Variants in MARK1 observed in about 807,000 individuals in gnomAD.
MARK1 encodes serine/threonine-protein kinase MARK1.
A neutral mutation model predicts 96.3 loss-of-function variants in MARK1; 40 were observed. The observed-to-expected ratio is 0.42, with a 90% CI of 0.32 to 0.54. The LOEUF is 0.54. Among genes scored for constraint, MARK1 ranks in the 20% least tolerant of loss-of-function variants. MARK1 has a pLI of 0.16. For missense variants in MARK1, 719 were observed against 984.6 expected (o/e 0.73, Z 3.61); for synonymous variants, 317 against 341.2 (o/e 0.93, Z 0.78).
At chr1:220,649,794 TG>T (rs1188627023) in intron 13 of MARK1, among the ~76,000 whole-genome samples, 1 of 152,188 alleles carries the variant, frequency 6.6e-6, no homozygotes, top group Non-Finnish European at 1.5e-5. Context: ...ATATTTTAAA[TG>T]CTGGGTTAGT....
intron 3 of MARK1, among the ~76,000 whole-genome samples, chr1:220,587,159 G>A (rs1011354567): frequency 6.6e-6 from 1 of 151,928 alleles, no homozygotes; most frequent in Non-Finnish European, 1.5e-5. Flanking sequence ...TTAAAATACA[G>A]TATATTAGTT....
In MARK1 at chr1:220,635,924, T is replaced by A. The variant is rs779286342; in HGVS notation, c.1368T>A (p.Asp456Glu). Residue 456 changes from aspartate (D) to glutamate (E), a missense_variant, in exon 13 of 18, where the codon GAT becomes GAA. Asp to Glu is a conservative substitution (Grantham distance 45). Around this residue, in one of 4 missense-constraint regions of MARK1, gnomAD observed 501 missense variants for 588.3 expected, o/e 0.85. Transcript: ENST00000366917. ...ESEQKEEWDK[D>E]VARKLGSTTV... ...AACAGAAAGAGGAGTGGGACAAAGA[T>A]GTGGCTCGAAAACTTGGCAGCACAA... The A allele has an allele frequency of 3.7e-6, 6 of 1,614,098 alleles. No individual in the cohort carries two copies. Among genetic ancestry groups the A allele is most frequent in the Non-Finnish European group, 1.7e-6 (2 of 1,179,996 alleles).
At chr1:220,606,322 G>A (rs1024853067) in intron 6 of MARK1, among the ~76,000 whole-genome samples, 55 of 151,870 alleles carry the variant, frequency 3.6e-4, no homozygotes, top group Non-Finnish European at 3.4e-4. Context: ...TAGATGTCTT[G>A]TTTTGAGAAG....
chr1:220,540,996 C>G (rs1661105934), intron 1 of MARK1, among the ~76,000 whole-genome samples: 1 of 151,812 alleles, frequency 6.6e-6, no homozygotes, highest in South Asian at 2.1e-4. Flanking sequence ...AGCTGTGGTG[C>G]AATCTCAGCT....
At chr1:220,536,241 C>T (rs1660672119) in intron 1 of MARK1, among the ~76,000 whole-genome samples, 1 of 151,822 alleles carries the variant, frequency 6.6e-6, no homozygotes, top group African/African-American at 2.4e-5. Context: ...GATTTGGATA[C>T]CTTTTATTTA....
chr1:220,643,823 G>A (rs1668422350), intron 13 of MARK1, among the ~76,000 whole-genome samples: 1 of 152,156 alleles, frequency 6.6e-6, no homozygotes, highest in African/African-American at 2.4e-5. Flanking sequence ...GTCAAACTAA[G>A]CTTCAAAAAT....
At chr1:220,551,944 A>G (rs976439797) in intron 1 of MARK1, among the ~76,000 whole-genome samples, 33 of 152,182 alleles carry the variant, frequency 2.2e-4, no homozygotes, top group African/African-American at 2.4e-5. Context: ...CTGGGCCATC[A>G]GAAGTCTTGC....
At chr1:220,643,546 G>T (rs1668401757) in intron 13 of MARK1, among the ~76,000 whole-genome samples, 1 of 152,174 alleles carries the variant, frequency 6.6e-6, no homozygotes, top group African/African-American at 2.4e-5. Flanking sequence ...AGCAAGACAG[G>T]CCAACATTCA....
intron 1 of MARK1, among the ~76,000 whole-genome samples, chr1:220,565,761 T>C (rs527827183): frequency 5.9e-5 from 9 of 152,292 alleles, no homozygotes; most frequent in African/African-American, 2.2e-4. Context: ...TTTGATGTTT[T>C]TCTCTCACTT....
At chr1:220,600,185 A>G (rs535624495) in intron 5 of MARK1, among the ~76,000 whole-genome samples, 3 of 152,264 alleles carry the variant, frequency 2.0e-5, no homozygotes, top group African/African-American at 7.2e-5. Flanking sequence ...ACTCTTGGCT[A>G]TCAGCAGGGA....
intron 3 of MARK1, among the ~76,000 whole-genome samples, chr1:220,597,637 A>G (rs1301452883): frequency 2.6e-5 from 4 of 152,080 alleles, no homozygotes; most frequent in Admixed American, 6.5e-5. Context: ...TGGTTCTCCT[A>G]TTTTCTTGAA....
chr1:220,534,321 A>G (rs1252612676), intron 1 of MARK1, among the ~76,000 whole-genome samples: 1 of 152,056 alleles, frequency 6.6e-6, no homozygotes, highest in Admixed American at 6.6e-5. Flanking sequence ...TATTCTAGCT[A>G]TTTTGAAATG....
intron 1 of MARK1, among the ~76,000 whole-genome samples, chr1:220,566,807 CACTG>C (rs1414140366): frequency 1.3e-5 from 2 of 152,050 alleles, no homozygotes; most frequent in African/African-American, 4.8e-5. Flanking sequence ...ATTTACTCAA[CACTG>C]ACAACATCTT....
In MARK1 at chr1:220,654,925, T is replaced by TG. The variant is rs1669084627; in HGVS notation, c.1988+1576dup. ...AGAAAGTGCCTTAGAGCTGGTCTGT[T>TG]GGGAGGTTCTGATAAAGATTGCCAT... On this transcript the variant is annotated intron_variant, in intron 16 of 17. Coordinates refer to ENST00000366917, the MANE Select transcript of MARK1 (RefSeq NM_018650.5). The surrounding 1 kb of genome is among the most constrained non-coding windows in gnomAD (Gnocchi z 4.0). Among the ~76,000 whole-genome samples, 1 of 152,240 alleles carries TG rather than the reference T, an allele frequency of 6.6e-6. No individual in the cohort carries two copies. Among genetic ancestry groups the TG allele is most frequent in the African/African-American group, 2.4e-5 (1 of 41,456 alleles).
intron 1 of MARK1, among the ~76,000 whole-genome samples, chr1:220,568,800 T>C (rs916343755): frequency 1.4e-4 from 21 of 152,156 alleles, no homozygotes; most frequent in African/African-American, 4.3e-4. Context: ...CATAACCAGC[T>C]CTGCCTATTG....
At chr1:220,600,932 G>T (rs1279213599) in intron 5 of MARK1, among the ~76,000 whole-genome samples, 15 of 148,056 alleles carry the variant, frequency 1.0e-4, no homozygotes, top group Non-Finnish European at 1.8e-4. Flanking sequence ...TTGCCCTGTA[G>T]CCCAGGCTGG....
chr1:220,604,187 A>G, intron 6 of MARK1, 50 bp downstream of exon 6: 1 of 1,212,046 alleles, frequency 8.3e-7, no homozygotes, highest in South Asian at 1.3e-5. Flanking sequence ...GTAGCGATGT[A>G]CAATGGACAG....
At chr1:220,625,970 C>A in intron 9 of MARK1, 1 of 552,926 alleles carries the variant, frequency 1.8e-6, no homozygotes, top group South Asian at 1.4e-5. Context: ...TTCTTGCGCT[C>A]CATCTCTTCA....
Position 220,618,617 on chromosome 1 carries a change from T to G in MARK1, c.790-19T>G. 1 of 1,613,530 alleles carries G rather than the reference T, an allele frequency of 6.2e-7. No individual in the cohort carries two copies. The highest frequency in any genetic ancestry group is 1.3e-5 in the African/African-American group (1 of 75,010). ...ATGTCAAAAACCAGTTATAAGTGCTTTCTTTCACTTTTATTAAGGAACTGC... is the reference window on the plus strand; with the variant it reads ...ATGTCAAAAACCAGTTATAAGTGCTGTCTTTCACTTTTATTAAGGAACTGC... On this transcript the variant is annotated intron_variant, in intron 8 of 17. Coordinates refer to ENST00000366917, the MANE Select transcript of MARK1 (RefSeq NM_018650.5). This position sits in a 1 kb window ranked among gnomAD's most constrained non-coding sequence, Gnocchi z 4.6.
Sources: allele counts gnomAD v4.1 joint callset (sites outside exome capture counted in the v4.1 genomes callset), GRCh38; gene constraint gnomAD v4.1.1; regional missense constraint gnomAD v4.1.1; non-coding constraint Gnocchi (gnomAD v3.1); transcripts MANE v1.5; gene names NCBI Gene and HGNC (gene_info 2026-07-23, HGNC 2026-07-21).